Variants in PRPSAP2 observed in about 807,000 individuals in gnomAD.
PRPSAP2 encodes the protein phosphoribosyl pyrophosphate synthase-associated protein 2.
In PRPSAP2, 24 loss-of-function variants were observed where a neutral mutation model predicts 40.6. That is an observed-to-expected ratio of 0.59 (90% CI 0.43 to 0.83). PRPSAP2 has a LOEUF of 0.83. Among genes scored for constraint, PRPSAP2 ranks in the 40% least tolerant of loss-of-function variants. The probability of loss-of-function intolerance (pLI) is 0.00; values close to 1 mark genes in which losing one functional copy is unlikely to be tolerated. For missense variants in PRPSAP2, 292 were observed against 465.6 expected (o/e 0.63, Z 3.43); for synonymous variants, 149 against 164.7 (o/e 0.90, Z 0.73).
In PRPSAP2 at chr17:18,890,161, T is replaced by A. The variant is rs1315775029; in HGVS notation, c.584+284T>A. The stretch of plus-strand genomic sequence containing the variant: ...TTTTATTTTTATTATTATTATTATT[T>A]ATTTTATTTTATTTCTTTATTTTTT... On this transcript the variant is annotated intron_variant, in intron 8 of 11. Transcript: ENST00000268835. Among the ~76,000 whole-genome samples the A allele has an allele frequency of 1.3e-4, 20 of 151,096 alleles. 1 individual carries two copies. The highest frequency in any genetic ancestry group is 8.9e-5 in the Non-Finnish European group (6 of 67,752).
At chr17:18,897,608 C>T (rs937263116) in intron 8 of PRPSAP2, among the ~76,000 whole-genome samples, 2 of 151,832 alleles carry the variant, frequency 1.3e-5, no homozygotes, top group Non-Finnish European at 2.9e-5. Flanking sequence ...ATTACAGGCT[C>T]CCATCTTCAC....
chr17:18,876,326 C>T (rs1273501164), intron 5 of PRPSAP2, among the ~76,000 whole-genome samples: 2 of 152,172 alleles, frequency 1.3e-5, no homozygotes, highest in African/African-American at 4.8e-5. Flanking sequence ...AGCCTTGTTC[C>T]TCCACTCTTA....
intron 8 of PRPSAP2, among the ~76,000 whole-genome samples, chr17:18,894,009 C>A (rs1352760426): frequency 6.6e-6 from 1 of 152,052 alleles, no homozygotes; most frequent in Non-Finnish European, 1.5e-5. Flanking sequence ...AGGTGTGCAC[C>A]ACTTCACCTG....
chr17:18,874,508 A>T (rs1247899682), intron 5 of PRPSAP2, among the ~76,000 whole-genome samples: 1 of 152,206 alleles, frequency 6.6e-6, no homozygotes, highest in Non-Finnish European at 1.5e-5. Flanking sequence ...ATTGGGATGA[A>T]GTCACAAAAC....
chr17:18,912,486 ACATT>A (rs1323040907), intron 9 of PRPSAP2, among the ~76,000 whole-genome samples: 1 of 152,174 alleles, frequency 6.6e-6, no homozygotes, highest in Non-Finnish European at 1.5e-5. Context: ...CGTGCAAAAT[ACATT>A]CATTCTATCC....
chr17:18,915,473 A>G (rs934511524), intron 9 of PRPSAP2, among the ~76,000 whole-genome samples: 19 of 146,936 alleles, frequency 1.3e-4, no homozygotes, highest in African/African-American at 4.6e-4. Context: ...TGGGTATTCT[A>G]TAAAGAAGAC....
At chr17:18,866,682 T>TTGTACACAGATTATCA (rs1366576840) in intron 3 of PRPSAP2, among the ~76,000 whole-genome samples, 5 of 152,334 alleles carry the variant, frequency 3.3e-5, no homozygotes, top group Admixed American at 1.3e-4. Context: ...TTGATCTAGA[T>TTGTACACAGATTATCA]GTTGGGGATT....
chr17:18,904,138 A>G (rs2040441539), intron 8 of PRPSAP2: 1 of 152,200 alleles, frequency 6.6e-6, no homozygotes, highest in South Asian at 2.1e-4. Context: ...TCCAAGCCTC[A>G]GTTTCCTGGG....
At chr17:18,876,284 A>C (rs994418810) in intron 5 of PRPSAP2, among the ~76,000 whole-genome samples, 1 of 152,230 alleles carries the variant, frequency 6.6e-6, no homozygotes, top group Non-Finnish European at 1.5e-5. Context: ...TATTTCAAAC[A>C]AGACTGTCCT....
intron 7 of PRPSAP2, among the ~76,000 whole-genome samples, chr17:18,887,564 C>T (rs2039255748): frequency 6.6e-6 from 1 of 152,166 alleles, no homozygotes; most frequent in African/African-American, 2.4e-5. Flanking sequence ...TTAAGTATTT[C>T]ATCCCTTCTA....
At chr17:18,927,950 TG>T (rs2042056697) in intron 10 of PRPSAP2, among the ~76,000 whole-genome samples, 1 of 152,100 alleles carries the variant, frequency 6.6e-6, no homozygotes. Context: ...GGCTAATTTT[TG>T]CTTTTCTGTT....
rs2039862729 is a variant in PRPSAP2, at chr17:18,895,543, T to C, written c.584+5666T>C. Among the ~76,000 whole-genome samples the C allele has an allele frequency of 2.6e-5, 4 of 151,870 alleles. 1 individual carries two copies. In the South Asian group the frequency reaches 8.3e-4, roughly 31 times the overall value. ...TTTTTCAGAGATCGTTTCTGTTGAC[T>C]GCTTTTTTACTGTGTATGGGCCATG... On this transcript the variant is annotated intron_variant, in intron 8 of 11. Coordinates refer to ENST00000268835, the MANE Select transcript of PRPSAP2 (RefSeq NM_002767.4).
At chr17:18,873,912 C>CT (rs2038084650) in intron 5 of PRPSAP2, among the ~76,000 whole-genome samples, 1 of 148,582 alleles carries the variant, frequency 6.7e-6, no homozygotes, top group South Asian at 2.1e-4. Context: ...TTTTCTTTTT[C>CT]TTTTTTCTAA....
chr17:18,863,121 T>C (rs764414358), intron 1 of PRPSAP2, among the ~76,000 whole-genome samples: 1 of 151,926 alleles, frequency 6.6e-6, no homozygotes, highest in African/African-American at 2.4e-5. Flanking sequence ...TGCCCGGCAA[T>C]TTTTTATTTA....
At position 18,928,874 on chromosome 17, in the gene PRPSAP2, G is replaced by A; in HGVS notation, c.868G>A (p.Ala290Thr). 6.2e-7 allele frequency: 1 copy of A among 1,614,154 alleles called. No homozygotes were observed. The highest frequency in any genetic ancestry group is 2.2e-5 in the East Asian group (1 of 44,890). The change falls in exon 11 of 12, where the codon GCA (alanine) becomes ACA (threonine). Residue 290 changes from alanine to threonine, a missense_variant. Ala to Thr is a moderately conservative substitution (Grantham distance 58). This residue lies in a region of PRPSAP2 where 241 missense variants were observed against 425.7 expected (regional missense o/e 0.57). Transcript: ENST00000268835. ...AGCAGAGACCCTGAAGGAAAGAGGT[G>A]CATATAAGATCTTTGTGATGGCAAC... ...AAAETLKERG[A>T]YKIFVMATHG...
intron 8 of PRPSAP2, among the ~76,000 whole-genome samples, chr17:18,892,080 C>T (rs2039579271): frequency 6.6e-6 from 1 of 152,238 alleles, no homozygotes; most frequent in Admixed American, 6.5e-5. Flanking sequence ...TGGTCTTAAA[C>T]TCCTGACCTT....
intron 9 of PRPSAP2, among the ~76,000 whole-genome samples, chr17:18,921,073 C>T (rs1007973314): frequency 8.5e-5 from 13 of 152,078 alleles, no homozygotes; most frequent in African/African-American, 3.1e-4. Flanking sequence ...TCACTGCAAC[C>T]TTGACCTCCC....
intron 1 of PRPSAP2, chr17:18,858,653 AG>A (rs1199960633): frequency 6.6e-6 from 1 of 152,248 alleles, no homozygotes; most frequent in Non-Finnish European, 1.5e-5. Flanking sequence ...TGGCTTTGCT[AG>A]TTACGAATAT....
chr17:18,867,253 T>G, intron 3 of PRPSAP2, 29 bp from the exon 4 acceptor site: 1 of 1,610,494 alleles, frequency 6.2e-7, no homozygotes, highest in East Asian at 2.2e-5. Context: ...TATTACTTTT[T>G]CAGCTTTTTC....
Sources: allele counts gnomAD v4.1 joint callset (sites outside exome capture counted in the v4.1 genomes callset), GRCh38; gene constraint gnomAD v4.1.1; regional missense constraint gnomAD v4.1.1; transcripts MANE v1.5; gene names NCBI Gene and HGNC (gene_info 2026-07-23, HGNC 2026-07-21).